RXFP1: variants seen among roughly 807,000 people sequenced by gnomAD.
The protein encoded by RXFP1 is relaxin family peptide receptor 1, also known as relaxin receptor 1.
RXFP1 carries 73 observed loss-of-function variants against 89.8 expected under a neutral mutation model. The ratio of observed to expected loss-of-function variants is 0.81; its 90% CI spans 0.67 to 0.99. The LOEUF (loss-of-function observed/expected upper bound fraction) is 0.99. RXFP1 is among the 50% of genes least tolerant of loss of function. RXFP1 has a pLI of 0.00. For missense variants in RXFP1, 793 were observed against 895.5 expected, an observed-to-expected ratio of 0.89 and a Z score of 1.46; for synonymous variants, 277 against 305.5, an observed-to-expected ratio of 0.91 and a Z score of 0.97.
At chr4:158,570,794 A>G (rs552867574) in intron 1 of RXFP1, among the ~76,000 whole-genome samples, 1 of 152,268 alleles carries the variant, frequency 6.6e-6, no homozygotes, top group Admixed American at 6.5e-5. Flanking sequence ...TGCATTTTAA[A>G]TAAAACCCAA....
At chr4:158,617,426 A>T (rs865834944) in intron 9 of RXFP1, among the ~76,000 whole-genome samples, 1,559 of 149,208 alleles carry the variant, frequency 0.01, 8 homozygotes, top group Non-Finnish European at 0.015. Context: ...TCTCAAAAAA[A>T]ATATATATAT....
chr4:158,644,418 TTTTTC>T (rs1027561521), intron 14 of RXFP1, among the ~76,000 whole-genome samples: 1 of 152,146 alleles, frequency 6.6e-6, no homozygotes, highest in African/African-American at 2.4e-5. Flanking sequence ...TTCTTTTCTT[TTTTTC>T]TTTTCTTTTT....
At chr4:158,627,612 C>G (rs750091720) in intron 10 of RXFP1, among the ~76,000 whole-genome samples, 1 of 149,680 alleles carries the variant, frequency 6.7e-6, no homozygotes, top group East Asian at 2.0e-4. Context: ...ATTTGAAAAC[C>G]ATTATCCTAG....
At position 158,623,079 on chromosome 4, in the gene RXFP1, A is replaced by G. The variant is rs1765936779; in HGVS notation, c.756-3741A>G. Among the ~76,000 whole-genome samples, 2 of 152,222 alleles carry G rather than the reference A, an allele frequency of 1.3e-5. 1 individual carries two copies. The highest frequency in any genetic ancestry group is 4.1e-4 in the South Asian group (2 of 4,836). On this transcript the variant is annotated intron_variant, in intron 9 of 17. Transcript: ENST00000307765. ...CCAATGTGCATTAAACAACACAATG[A>G]CATTTTAATGCTATAACTGCCAATG...
chr4:158,550,979 T>C (rs1325669904), intron 1 of RXFP1, among the ~76,000 whole-genome samples: 2 of 149,948 alleles, frequency 1.3e-5, no homozygotes, highest in Non-Finnish European at 3.0e-5. Flanking sequence ...CTCTAAAACA[T>C]GAAGAAAAAA....
At chr4:158,579,265 C>T (rs1207918555) in intron 2 of RXFP1, among the ~76,000 whole-genome samples, 1 of 151,934 alleles carries the variant, frequency 6.6e-6, no homozygotes, top group Non-Finnish European at 1.5e-5. Context: ...ACAAACTTCT[C>T]TTGTTCTTGT....
intron 1 of RXFP1, among the ~76,000 whole-genome samples, chr4:158,571,433 G>A (rs917231859): frequency 3.3e-5 from 5 of 152,166 alleles, no homozygotes; most frequent in African/African-American, 7.2e-5. Flanking sequence ...TTGGGAGGCC[G>A]AGATGGGCGG....
intron 1 of RXFP1, among the ~76,000 whole-genome samples, chr4:158,554,349 A>T (rs1324642702): frequency 1.3e-5 from 2 of 152,160 alleles, no homozygotes; most frequent in Non-Finnish European, 2.9e-5. Context: ...ATATAAACTG[A>T]AAAGTAAAAT....
At chr4:158,624,412 G>A (rs1766291310) in intron 9 of RXFP1, among the ~76,000 whole-genome samples, 1 of 152,052 alleles carries the variant, frequency 6.6e-6, no homozygotes, top group Non-Finnish European at 1.5e-5. Flanking sequence ...AGTTGAGGGA[G>A]AATAGACAAG....
Position 158,643,468 on chromosome 4 carries a change from G to GTTTT in RXFP1, c.1116-1425_1116-1422dup, listed in dbSNP as rs59869659. ...AATGGGATTCCTGGATCATATGCTA[G>GTTTT]TTTTTTTTTTTTTTTTTTTGGAGAC... is the stretch of plus-strand genomic sequence containing the variant. On this transcript the variant is annotated intron_variant, in intron 14 of 17. Coordinates refer to ENST00000307765, the MANE Select transcript of RXFP1 (RefSeq NM_021634.4). Among the ~76,000 whole-genome samples, 104 of 112,804 alleles carry GTTTT rather than the reference G, an allele frequency of 9.2e-4. 5 individuals are homozygous for GTTTT. The highest frequency in any genetic ancestry group is 1.2e-3 in the Non-Finnish European group (70 of 59,696). 74.0% of individuals were successfully genotyped at this position (112,804 alleles called of 152,430 possible). A position where few individuals can be genotyped will look rare whatever the true frequency, so the allele number is the denominator to read the frequency against.
intron 1 of RXFP1, among the ~76,000 whole-genome samples, chr4:158,524,063 A>G (rs1296612497): frequency 6.6e-6 from 1 of 152,176 alleles, no homozygotes; most frequent in Non-Finnish European, 1.5e-5. Flanking sequence ...ATGGCAATCA[A>G]ATCCTTTACC....
chr4:158,614,653 G>A (rs1316973296), intron 8 of RXFP1, among the ~76,000 whole-genome samples: 1 of 152,164 alleles, frequency 6.6e-6, no homozygotes, highest in Non-Finnish European at 1.5e-5. Context: ...GAATGATGTG[G>A]CTGGTTTAAT....
At chr4:158,585,635 A>T (rs1413649650) in intron 2 of RXFP1, among the ~76,000 whole-genome samples, 3 of 152,230 alleles carry the variant, frequency 2.0e-5, no homozygotes, top group Non-Finnish European at 4.4e-5. Context: ...GATTTCAATG[A>T]TATTAAAAGT....
At chr4:158,530,911 TCTG>T in intron 1 of RXFP1, among the ~76,000 whole-genome samples, 1 of 152,158 alleles carries the variant, frequency 6.6e-6, no homozygotes. Context: ...ATGGAAAAAA[TCTG>T]TACAAAGCTT....
Position 158,639,904 on chromosome 4 carries a change from T to C in RXFP1, c.1115+573T>C, listed in dbSNP as rs868672453. Among the ~76,000 whole-genome samples, 24 of 151,990 alleles carry C rather than the reference T, an allele frequency of 1.6e-4. 1 individual carries two copies. Among genetic ancestry groups the C allele is most frequent in the African/African-American group, 5.8e-4 (24 of 41,386 alleles). On this transcript the variant is annotated intron_variant, in intron 14 of 17. Transcript: ENST00000307765. ...AGAAAAGAGACTCTGGAGACGACCC[T>C]TGCCCCTCCACCTTGTGAAGACAGA...
In RXFP1 at chr4:158,644,594, G is replaced by A. The variant is rs149365462; in HGVS notation, c.1116-315G>A. Among the ~76,000 whole-genome samples, 29 of 152,232 alleles carry A rather than the reference G, an allele frequency of 1.9e-4. No individual in the cohort carries two copies. In the East Asian group the frequency reaches 3.3e-3, roughly 17 times the overall value. ...TGCATTTACGTATACTAACCATTGC[G>A]AGTACGATAACGGTTTCTCTGGAGG... On this transcript the variant is annotated intron_variant, in intron 14 of 17. Coordinates refer to ENST00000307765, the MANE Select transcript of RXFP1 (RefSeq NM_021634.4).
At chr4:158,644,061 T>G (rs944408834) in intron 14 of RXFP1, among the ~76,000 whole-genome samples, 42 of 54,490 alleles carry the variant, frequency 7.7e-4, no homozygotes, top group Non-Finnish European at 9.7e-4. Flanking sequence ...TTTTTTTTTT[T>G]GGAGACAGAG....
chr4:158,576,394 C>T (rs1022499691), intron 2 of RXFP1, among the ~76,000 whole-genome samples: 3 of 151,516 alleles, frequency 2.0e-5, no homozygotes, highest in Admixed American at 2.0e-4. Flanking sequence ...AAACCTGTCT[C>T]AATATTTTTT....
In RXFP1 at chr4:158,647,099, T is replaced by A. The variant is rs768718678; in HGVS notation, c.1654T>A (p.Phe552Ile). The change falls in exon 16 of 18, where the codon TTT becomes ATT. Residue 552 changes from phenylalanine (F) to isoleucine (I), a missense_variant. By Grantham distance (21) the Phe-to-Ile change is conservative. Transcript: ENST00000307765. ...TTTCATTCCATTGAGCAATAAGGAA[T>A]TTTTCAAAAACTACTATGGCACCAA... is the stretch of plus-strand genomic sequence containing the variant. ...VAFIPLSNKE[F>I]FKNYYGTNGV... 2 of 1,614,138 alleles carry A rather than the reference T, an allele frequency of 1.2e-6. No individual in the cohort carries two copies. The highest frequency in any genetic ancestry group is 2.2e-5 in the South Asian group (2 of 91,080).
Sources: gnomAD v4.1 joint callset for allele counts (sites outside exome capture counted in the v4.1 genomes callset) on GRCh38, gnomAD v4.1.1 for gene constraint, MANE v1.5 for transcripts, NCBI Gene and HGNC (gene_info 2026-07-23, HGNC 2026-07-21) for gene names.